The following ZAR1L variants were observed in gnomAD, a reference collection of about 807,000 sequenced individuals.
ZAR1L encodes the protein zygote arrest 1 like, also known as protein ZAR1-like.
A neutral mutation model predicts 30.0 loss-of-function variants in ZAR1L; 16 were observed. That is an observed-to-expected ratio of 0.53 (90% CI 0.36 to 0.81). ZAR1L has a LOEUF of 0.81. ZAR1L is among the 30% of genes least tolerant of loss of function. The pLI, the probability that ZAR1L is intolerant of heterozygous loss-of-function variation, is 0.00. For missense variants in ZAR1L, 392 were observed against 417.2 expected (o/e 0.94, Z 0.53); for synonymous variants, 197 against 166.8 (o/e 1.18, Z -1.40).
chr13:32,307,264 G>A (rs1198495986), intron 5 of ZAR1L, among the ~76,000 whole-genome samples: 1 of 151,992 alleles, frequency 6.6e-6, no homozygotes, highest in African/African-American at 2.4e-5. Context: ...AGCACTTTGG[G>A]AGGCCGAAGC....
rs181046208 is a variant in ZAR1L, at chr13:32,312,689, C to A, written c.-168-596G>T. ...GGTCAGGAGTTCGAGACCAACCTGG[C>A]CAACATGATGAAACCCTGCCTCTAA... is the stretch of plus-strand genomic sequence containing the variant. On this transcript the variant is annotated intron_variant, in intron 2 of 5. Coordinates refer to ENST00000533490, the MANE Select transcript of ZAR1L (RefSeq NM_001136571.2). Among the ~76,000 whole-genome samples, 697 of 152,184 alleles carry A rather than the reference C, an allele frequency of 4.6e-3. 25 individuals carry two copies. The highest frequency in any genetic ancestry group is 0.043 in the Admixed American group (664 of 15,290).
intron 5 of ZAR1L, among the ~76,000 whole-genome samples, chr13:32,304,406 A>G (rs1369578657): frequency 6.6e-6 from 1 of 152,194 alleles, no homozygotes; most frequent in Non-Finnish European, 1.5e-5. Context: ...CACTCTGCAG[A>G]TGTTTAGATT....
chr13:32,305,303 T>C (rs1197655795), intron 5 of ZAR1L, among the ~76,000 whole-genome samples: 1 of 152,044 alleles, frequency 6.6e-6, no homozygotes, highest in African/African-American at 2.4e-5. Context: ...CTTGGCTCAC[T>C]GCAAGCTCCG....
At chr13:32,312,125 T>G in intron 2 of ZAR1L, 32 bp from the exon 3 acceptor site, 1 of 609,544 alleles carries the variant, frequency 1.6e-6, no homozygotes, top group East Asian at 3.0e-5. Context: ...TATCTACAGA[T>G]GTCTAATTGC....
At position 32,311,607 on chromosome 13, in the gene ZAR1L, G is replaced by A; in HGVS notation, c.319C>T (p.Leu107=). ...CAGCTGCTGAGGGTGCGAGGCCCCA[G>A]AGAGCACTGCACAGCCTTGTCCACC... ...PRVDKAVQCS[L]GPRTLSSCSP... is the part of the protein sequence containing the mutation. Residue 107 remains leucine, a synonymous_variant, in exon 3 of 6, where the codon CTG becomes TTG. Transcript: ENST00000533490. The A allele has an allele frequency of 6.5e-7, 1 of 1,549,274 alleles. No homozygotes were observed.
intron 4 of ZAR1L, among the ~76,000 whole-genome samples, chr13:32,310,130 A>G (rs2072202116): frequency 1.3e-5 from 2 of 152,274 alleles, no homozygotes; most frequent in African/African-American, 4.8e-5. Flanking sequence ...CAGAGCCTAC[A>G]GGATTCACGA....
rs754190339 is a variant in ZAR1L at position 32,311,390 on chromosome 13, T to G, written c.536A>C (p.Glu179Ala). ...CGATTCCTCCAGCTGCCCGGGCTCCTCCTGCCTGTCAGCTCCTGACCTCCG... is the reference window on the plus strand; with the variant it reads ...CGATTCCTCCAGCTGCCCGGGCTCCGCCTGCCTGTCAGCTCCTGACCTCCG... Reference protein sequence around the residue: ...PSRRSGADRQEEPGQLEESGE... With the variant: ...PSRRSGADRQAEPGQLEESGE... Residue 179 changes from glutamate (E) to alanine (A), a missense_variant, in exon 3 of 6, where the codon GAG becomes GCG. Physicochemically the swap from Glu to Ala is moderately radical, Grantham distance 107. Coordinates refer to ENST00000533490, the MANE Select transcript of ZAR1L (RefSeq NM_001136571.2). The G allele has an allele frequency of 1.7e-5, 27 of 1,550,546 alleles. No individual in the cohort carries two copies. In the African/African-American group the frequency reaches 3.4e-4, roughly 20 times the overall value.
rs1593876415 is a variant in ZAR1L, at chr13:32,311,587, G to A, written c.339C>T (p.Ser113=). ...VQCSLGPRTL[S]SCSPWDGRDP... ...CTCTGCCGTCCCAGGGGGAGCAGCT[G>A]CTGAGGGTGCGAGGCCCCAGAGAGC... The change falls in exon 3 of 6, where the codon AGC becomes AGT. Residue 113 remains serine (S), a synonymous_variant. Transcript: ENST00000533490. The A allele has an allele frequency of 6.5e-7, 1 of 1,543,364 alleles. No homozygotes were observed. Among genetic ancestry groups the A allele is most frequent in the Non-Finnish European group, 8.8e-7 (1 of 1,142,706 alleles).
At position 32,303,786 on chromosome 13, in the gene ZAR1L, G is replaced by A. The variant is rs995545112; in HGVS notation, c.*93C>T. ...AAGTACAAAAGCCTAGCCATTTTCC[G>A]ATGCCAGGTCAGAGCCAAGTTGCAA... On this transcript the variant is annotated 3_prime_UTR_variant, in exon 6 of 6. Coordinates refer to ENST00000533490, the MANE Select transcript of ZAR1L (RefSeq NM_001136571.2). 4.1e-5 allele frequency: 53 copies of A among 1,300,542 alleles called. No homozygotes were observed. The highest frequency in any genetic ancestry group is 2.8e-4 in the South Asian group (18 of 63,648). The allele number at this position is 1,300,542 out of a possible 1,614,324, so 80.6% of individuals were successfully genotyped here. A position where few individuals can be genotyped will look rare whatever the true frequency, so the allele number is the denominator to read the frequency against.
chr13:32,311,511 G>C lies in ZAR1L; in HGVS notation c.415C>G (p.Arg139Gly), dbSNP rs749080727. The C allele has an allele frequency of 2.0e-5, 31 of 1,539,224 alleles. No homozygotes were observed. Among genetic ancestry groups the C allele is most frequent in the Non-Finnish European group, 2.5e-5 (29 of 1,142,218 alleles). The stretch of plus-strand genomic sequence containing the variant: ...CTCCGCAGGCGGATCAAGCCCCTGC[G>C]GCCGGTGGCGGGCGAAGTGACCCCA... ...ACGVTSPATG[R>G]RGLIRLRRDG... Residue 139 changes from arginine (R) to glycine (G), a missense_variant, in exon 3 of 6, where the codon CGC (arginine) becomes GGC (glycine). Coordinates refer to ENST00000533490, the MANE Select transcript of ZAR1L (RefSeq NM_001136571.2).
chr13:32,308,986 G>T (rs1593874755), intron 4 of ZAR1L, among the ~76,000 whole-genome samples: 3 of 139,470 alleles, frequency 2.2e-5, no homozygotes, highest in South Asian at 4.9e-4. Context: ...CATAAAATTG[G>T]AATACATTTT....
chr13:32,310,936 A>G (rs1040810999), intron 3 of ZAR1L, among the ~76,000 whole-genome samples: 2 of 152,094 alleles, frequency 1.3e-5, no homozygotes, highest in Non-Finnish European at 2.9e-5. Context: ...TACTTTTCCA[A>G]TCCATTTTCC....
chr13:32,309,499 G>A (rs985512859), intron 4 of ZAR1L, among the ~76,000 whole-genome samples: 1 of 152,038 alleles, frequency 6.6e-6, no homozygotes, highest in Non-Finnish European at 1.5e-5. Context: ...TGCTTTCTAG[G>A]CTTTGTGCAA....
chr13:32,306,123 A>G (rs2072173156), intron 5 of ZAR1L, among the ~76,000 whole-genome samples: 1 of 152,236 alleles, frequency 6.6e-6, no homozygotes, highest in Non-Finnish European at 1.5e-5. Flanking sequence ...AGTTCAATGG[A>G]TGTTTTAATC....
At position 32,311,416 on chromosome 13, in the gene ZAR1L, T is replaced by C. The variant is rs755193635; in HGVS notation, c.510A>G (p.Ser170=). The C allele has an allele frequency of 9.7e-6, 15 of 1,549,790 alleles. No individual in the cohort carries two copies. The highest frequency in any genetic ancestry group is 2.0e-5 in the Admixed American group (1 of 50,986). Residue 170 remains serine (S), a synonymous_variant, in exon 3 of 6, where the codon TCA becomes TCG. Transcript: ENST00000533490. Reference sequence around the variant, plus strand: ...CCTGCCTGTCAGCTCCTGACCTCCGTGATGGTGGCTGCGGCTGGCTGGCCT... The same window carrying C: ...CCTGCCTGTCAGCTCCTGACCTCCGCGATGGTGGCTGCGGCTGGCTGGCCT... ...PAEASQPQPP[S]RRSGADRQEE...
chr13:32,310,829 T>C, intron 3 of ZAR1L, 98 bp from the exon 4 acceptor site: 1 of 769,386 alleles, frequency 1.3e-6, no homozygotes, highest in Non-Finnish European at 2.2e-6. Context: ...ATGACTTCTT[T>C]AACCTCACTT....
At chr13:32,309,403 C>G (rs1463710177) in intron 4 of ZAR1L, among the ~76,000 whole-genome samples, 2 of 152,140 alleles carry the variant, frequency 1.3e-5, no homozygotes, top group Non-Finnish European at 2.9e-5. Flanking sequence ...ACTTTTTGTC[C>G]TTATCTTTTA....
At chr13:32,314,703 T>G (rs1236705207) in intron 1 of ZAR1L, among the ~76,000 whole-genome samples, 153 bp from the exon 2 acceptor site, 2 of 152,104 alleles carry the variant, frequency 1.3e-5, no homozygotes, top group East Asian at 3.8e-4. Context: ...AAATGCAAAG[T>G]TAGCCGTGCG....
intron 2 of ZAR1L, among the ~76,000 whole-genome samples, chr13:32,313,810 A>C (rs1216279352): frequency 6.6e-6 from 1 of 152,260 alleles, no homozygotes; most frequent in Admixed American, 6.5e-5. Flanking sequence ...CAAAGAGAAC[A>C]AGAAACATAA....
Sources: allele counts gnomAD v4.1 joint callset (sites outside exome capture counted in the v4.1 genomes callset), GRCh38; gene constraint gnomAD v4.1.1; transcripts MANE v1.5; gene names NCBI Gene and HGNC (gene_info 2026-07-23, HGNC 2026-07-21).